ANKRD31: variants seen among roughly 807,000 people sequenced by gnomAD.
ANKRD31 encodes ankyrin repeat domain 31, also known as ankyrin repeat domain-containing protein 31.
ANKRD31 carries 147 observed loss-of-function variants against 186.0 expected under a neutral mutation model. The ratio of observed to expected loss-of-function variants is 0.79; its 90% CI spans 0.69 to 0.91. ANKRD31 has a LOEUF of 0.91. Ranked by LOEUF, ANKRD31 falls within the 40% of genes least tolerant of loss-of-function variation. The pLI is 0.00. For synonymous variants in ANKRD31, 673 were observed against 736.4 expected (o/e 0.91, Z 1.39); for missense variants, 1,986 against 2,148.8 (o/e 0.92, Z 1.50).
At chr5:75,080,726 G>T in intron 24 of ANKRD31, 87 bp from the exon 25 acceptor site, 1 of 693,910 alleles carries the variant, frequency 1.4e-6, no homozygotes, top group Non-Finnish European at 2.2e-6. Flanking sequence ...CCCTACCGAT[G>T]GGAAATACAA....
intron 17 of ANKRD31, among the ~76,000 whole-genome samples, chr5:75,134,018 G>A (rs12519226): frequency 6.6e-6 from 1 of 152,018 alleles, no homozygotes; most frequent in African/African-American, 2.4e-5. Context: ...TTAAAGCAGT[G>A]TGTAGAGGGA....
intron 13 of ANKRD31, among the ~76,000 whole-genome samples, chr5:75,148,029 A>G (rs113577194): frequency 1.8e-3 from 274 of 151,898 alleles, no homozygotes; most frequent in African/African-American, 5.7e-3. Context: ...TCCTCTCCCA[A>G]TTGTTATATA....
intron 22 of ANKRD31, among the ~76,000 whole-genome samples, chr5:75,103,077 ATC>A (rs1172554607): frequency 6.6e-6 from 1 of 152,056 alleles, no homozygotes. Flanking sequence ...CCTTTAATCC[ATC>A]TTGAGTTAAT....
chr5:75,109,764 G>T (rs1747616931), intron 20 of ANKRD31, among the ~76,000 whole-genome samples: 1 of 152,072 alleles, frequency 6.6e-6, no homozygotes, highest in Non-Finnish European at 1.5e-5. Context: ...TGTGAAGCCT[G>T]CCCTGTGACC....
rs779733696 is a variant in ANKRD31 at position 75,146,593 on chromosome 5, T to C, written c.2818A>G (p.Met940Val). The change falls in exon 14 of 26, where the codon ATG becomes GTG. Residue 940 changes from methionine to valine, a missense_variant. Transcript: ENST00000506364. ...GAAAGTAAAAACTGTTGGAAACCCA[T>C]TTCTTTTTTATTTGTTAAATTCTCC... ...FKENLTNKKE[M>V]GFQQFLLSED... The C allele has an allele frequency of 6.5e-7, 1 of 1,535,486 alleles. No homozygotes were observed. Among genetic ancestry groups the C allele is most frequent in the African/African-American group, 1.4e-5 (1 of 72,988 alleles).
chr5:75,084,856 C>T (rs546446690), intron 23 of ANKRD31, among the ~76,000 whole-genome samples: 30 of 152,266 alleles, frequency 2.0e-4, no homozygotes, highest in African/African-American at 7.0e-4. Context: ...AAATTAATAA[C>T]ATTTCAGGTC....
intron 12 of ANKRD31, among the ~76,000 whole-genome samples, chr5:75,151,906 T>C (rs1358505660): frequency 6.6e-6 from 1 of 152,090 alleles, no homozygotes; most frequent in Non-Finnish European, 1.5e-5. Flanking sequence ...TGGCTATCCC[T>C]GTTTCTTATT....
chr5:75,129,003 T>A (rs1749502536), intron 17 of ANKRD31, among the ~76,000 whole-genome samples: 1 of 152,210 alleles, frequency 6.6e-6, no homozygotes, highest in Non-Finnish European at 1.5e-5. Flanking sequence ...CCCACTCAAA[T>A]CTCATGTTGA....
intron 17 of ANKRD31, among the ~76,000 whole-genome samples, chr5:75,129,041 G>A (rs1054659778): frequency 6.6e-6 from 1 of 152,160 alleles, no homozygotes; most frequent in Non-Finnish European, 1.5e-5. Context: ...TGGAGGTGGG[G>A]TCTGGTGGGA....
rs1446051662 is a variant in ANKRD31 at position 75,195,771 on chromosome 5, G to C, written c.877C>G (p.Leu293Val). The C allele has an allele frequency of 1.3e-6, 2 of 1,537,450 alleles. No homozygotes were observed. Among genetic ancestry groups the C allele is most frequent in the Non-Finnish European group, 1.7e-6 (2 of 1,146,906 alleles). The change falls in exon 7 of 26, where the codon CTG (leucine) becomes GTG (valine). Residue 293 changes from leucine to valine, a missense_variant. Leu to Val is a conservative substitution (Grantham distance 32). Coordinates refer to ENST00000506364, the MANE Select transcript of ANKRD31 (RefSeq NM_001372053.1). ...ACCTTGGCTTCTGACAATGTGTTCA[G>C]GGCTTCCAATAACTCAGCTGGCAAT... is the stretch of plus-strand genomic sequence containing the variant. ...DALPAELLEA[L>V]NTLSEAKVET... is the part of the protein sequence containing the mutation.
In ANKRD31 at chr5:75,236,725, A is replaced by C; in HGVS notation, c.-39T>G. On this transcript the variant is annotated 5_prime_UTR_variant, in exon 1 of 26. Coordinates refer to ENST00000506364, the MANE Select transcript of ANKRD31 (RefSeq NM_001372053.1). ...TCAAAGTCTTTTTTACCCTCCTCTA[A>C]CTCCCTCTTGCCCGCAAACAAAAAA... The C allele has an allele frequency of 6.8e-7, 1 of 1,471,986 alleles. No individual in the cohort carries two copies. Among genetic ancestry groups the C allele is most frequent in the Non-Finnish European group, 9.1e-7 (1 of 1,097,456 alleles). 91.2% of individuals were successfully genotyped at this position (1,471,986 alleles called of 1,614,324 possible).
intron 25 of ANKRD31, among the ~76,000 whole-genome samples, chr5:75,076,746 A>G (rs1744683101): frequency 6.6e-6 from 1 of 152,186 alleles, no homozygotes; most frequent in South Asian, 2.1e-4. Flanking sequence ...TCTAGGGGAC[A>G]GCCAAGAGTC....
chr5:75,195,523 A>C (rs934971443), intron 7 of ANKRD31, 108 bp downstream of exon 7: 44 of 936,454 alleles, frequency 4.7e-5, no homozygotes, highest in Middle Eastern at 4.5e-4. Context: ...AAAATCATAG[A>C]CTCATATTTT....
chr5:75,225,529 TA>T, intron 2 of ANKRD31: 1 of 292,600 alleles, frequency 3.4e-6, no homozygotes, highest in Non-Finnish European at 6.8e-6. Context: ...CTTAGTAAAC[TA>T]ATGAAAGCCT....
intron 10 of ANKRD31, among the ~76,000 whole-genome samples, chr5:75,175,379 T>G (rs1372555354): frequency 6.6e-6 from 1 of 151,886 alleles, no homozygotes; most frequent in Non-Finnish European, 1.5e-5. Context: ...TTCAAGTATA[T>G]TAAAAAAAGA....
At chr5:75,077,651 C>T (rs553668499) in intron 25 of ANKRD31, among the ~76,000 whole-genome samples, 239 of 151,960 alleles carry the variant, frequency 1.6e-3, no homozygotes, top group Non-Finnish European at 2.9e-3. Context: ...CTTGGCCGGG[C>T]GCGGTGGCTC....
chr5:75,126,414 T>C (rs1435804390), intron 17 of ANKRD31, among the ~76,000 whole-genome samples: 1 of 152,038 alleles, frequency 6.6e-6, no homozygotes, highest in Non-Finnish European at 1.5e-5. Flanking sequence ...TGCACCCCAA[T>C]ATGGGTGACA....
rs113502130 is a variant in ANKRD31, at chr5:75,073,926, T to C, written c.5648-5262A>G. The stretch of plus-strand genomic sequence containing the variant: ...AGTCAATAGGGTATCATGGTTTTGA[T>C]TTATATCTTTCTCAACAGGTTAGCC... On this transcript the variant is annotated intron_variant, in intron 25 of 25. Transcript: ENST00000506364. Among the ~76,000 whole-genome samples the C allele has an allele frequency of 1.8e-3, 274 of 152,296 alleles. 1 individual carries two copies. The highest frequency in any genetic ancestry group is 5.7e-3 in the African/African-American group (237 of 41,562).
chr5:75,229,237 G>A (rs937399712), intron 2 of ANKRD31, among the ~76,000 whole-genome samples: 26 of 152,168 alleles, frequency 1.7e-4, no homozygotes, highest in African/African-American at 6.3e-4. Flanking sequence ...TAGAAGAAAG[G>A]CACGTTTACA....
Sources: allele counts gnomAD v4.1 joint callset (sites outside exome capture counted in the v4.1 genomes callset), GRCh38; gene constraint gnomAD v4.1.1; transcripts MANE v1.5; gene names NCBI Gene and HGNC (gene_info 2026-07-23, HGNC 2026-07-21).